Variants in MYO18B observed in about 807,000 individuals in gnomAD.
MYO18B encodes the protein unconventional myosin-XVIIIb.
Under a neutral mutation model 273.0 loss-of-function variants are expected in MYO18B, and 204 were observed. The ratio of observed to expected loss-of-function variants is 0.75; its 90% confidence interval spans 0.67 to 0.84. The LOEUF is 0.84. Ranked by LOEUF, MYO18B falls within the 40% of genes least tolerant of loss-of-function variation. MYO18B has a pLI of 0.00. For synonymous variants in MYO18B, 1,330 were observed against 1,305.7 expected (o/e 1.02, Z -0.40); for missense variants, 3,212 against 3,287.6 (o/e 0.98, Z 0.56).
At chr22:25,783,325 C>T (rs576795917) in intron 10 of MYO18B, among the ~76,000 whole-genome samples, 9 of 152,346 alleles carry the variant, frequency 5.9e-5, no homozygotes, top group South Asian at 4.1e-4. Flanking sequence ...GTGCCAACCC[C>T]GTAGGCATTT....
chr22:26,026,892 G>C lies in MYO18B; in HGVS notation c.6918G>C (p.Gly2306=). The part of the protein sequence containing the change: ...SDEGNLSLRV[G]AKSPLEIEGA... ...AGGGAAACCTCTCGCTGAGGGTTGG[G>C]GCAAAGTCACCCCTGGAAATCGAAG... The change falls in exon 43 of 44, where the codon GGG becomes GGC. Residue 2306 remains glycine, a synonymous_variant. Coordinates refer to ENST00000335473, the MANE Select transcript of MYO18B (RefSeq NM_032608.7). The C allele has an allele frequency of 6.2e-7, 1 of 1,605,414 alleles. No homozygotes were observed. Among genetic ancestry groups the C allele is most frequent in the Non-Finnish European group, 8.5e-7 (1 of 1,174,972 alleles).
At chr22:25,980,505 C>T (rs2093137976) in intron 39 of MYO18B, among the ~76,000 whole-genome samples, 1 of 152,146 alleles carries the variant, frequency 6.6e-6, no homozygotes, top group Non-Finnish European at 1.5e-5. Context: ...GCAGAGCCAA[C>T]TCCATTCTGC....
Position 25,826,398 on chromosome 22 carries a change from C to A in MYO18B, c.2696-11C>A. ...CCTAACCAAGAATGCTGATTCTGTC[C>A]TCTTTCCCAGGGCTCAAGATGACAG... On this transcript the variant is annotated splice_polypyrimidine_tract_variant and intron_variant, in intron 13 of 43. Transcript: ENST00000335473. 6.2e-7 allele frequency: 1 copy of A among 1,606,838 alleles called. No homozygotes were observed. The highest frequency in any genetic ancestry group is 8.5e-7 in the Non-Finnish European group (1 of 1,176,268).
In MYO18B at chr22:25,833,095, G is replaced by T. The variant is rs185452044; in HGVS notation, c.3060+98G>T. ...CTTCAGTCTACTAGTTGTCAATGCC[G>T]TGTGCACCTAGAGTCACCCCGGGAT... On this transcript the variant is annotated intron_variant, in intron 16 of 43. Transcript: ENST00000335473. 6 of 1,144,440 alleles carry T rather than the reference G, an allele frequency of 5.2e-6. No homozygotes were observed. The Admixed American group carries it at 8.7e-5, about 17-fold the overall frequency. 70.9% of individuals were successfully genotyped at this position (1,144,440 alleles called of 1,614,324 possible). A position where few individuals can be genotyped will look rare whatever the true frequency, so the allele number is the denominator to read the frequency against.
At chr22:25,856,126 A>C (rs958172253) in intron 21 of MYO18B, among the ~76,000 whole-genome samples, 4 of 152,180 alleles carry the variant, frequency 2.6e-5, no homozygotes, top group Non-Finnish European at 5.9e-5. Flanking sequence ...AGTTTTTTAT[A>C]GCAGCTGTAC....
intron 2 of MYO18B, among the ~76,000 whole-genome samples, chr22:25,761,506 C>G (rs1362421273): frequency 6.6e-6 from 1 of 152,162 alleles, no homozygotes; most frequent in Non-Finnish European, 1.5e-5. Flanking sequence ...GGGCTGTCAG[C>G]TGCCAGGTTT....
chr22:25,884,966 T>C (rs1458480059), intron 25 of MYO18B: 6 of 152,212 alleles, frequency 3.9e-5, no homozygotes, highest in Non-Finnish European at 5.9e-5. Context: ...CCAATAAATA[T>C]ATTTTTTAAA....
chr22:26,008,528 C>T (rs1934620902), intron 42 of MYO18B, among the ~76,000 whole-genome samples: 1 of 152,138 alleles, frequency 6.6e-6, no homozygotes, highest in Non-Finnish European at 1.5e-5. Flanking sequence ...AAAGCATTCC[C>T]CACATTATTT....
chr22:25,778,982 C>T (rs2087027733), intron 8 of MYO18B, among the ~76,000 whole-genome samples: 1 of 152,110 alleles, frequency 6.6e-6, no homozygotes, highest in Non-Finnish European at 1.5e-5. Context: ...TGGCAGTGTT[C>T]TCAGCTTTTT....
intron 34 of MYO18B, among the ~76,000 whole-genome samples, chr22:25,934,418 G>A (rs1019591035): frequency 2.6e-5 from 4 of 152,092 alleles, no homozygotes; most frequent in East Asian, 1.9e-4. Flanking sequence ...AGTGGTGCAG[G>A]ATGATGGAAA....
intron 1 of MYO18B, among the ~76,000 whole-genome samples, chr22:25,756,155 A>G (rs1014117682): frequency 6.6e-6 from 1 of 152,140 alleles, no homozygotes; most frequent in African/African-American, 2.4e-5. Flanking sequence ...CAGCCTCCCA[A>G]AGTGCTGGGA....
At chr22:25,928,580 T>G (rs2092454391) in intron 34 of MYO18B, among the ~76,000 whole-genome samples, 1 of 152,010 alleles carries the variant, frequency 6.6e-6, no homozygotes. Context: ...GATAATCATT[T>G]GGTTCTTTTC....
chr22:25,982,021 G>A (rs1569261115), intron 39 of MYO18B, among the ~76,000 whole-genome samples: 1 of 152,222 alleles, frequency 6.6e-6, no homozygotes, highest in Non-Finnish European at 1.5e-5. Flanking sequence ...AGTTGAAGGG[G>A]AAGCAGGCGG....
intron 2 of MYO18B, chr22:25,762,985 T>A: frequency 1.5e-6 from 1 of 672,704 alleles, no homozygotes; most frequent in Non-Finnish European, 2.8e-6. Context: ...GGAGAGTGGA[T>A]CCAGGCAGAA....
intron 31 of MYO18B, among the ~76,000 whole-genome samples, chr22:25,906,773 G>T (rs1569176671): frequency 6.6e-6 from 1 of 152,098 alleles, no homozygotes; most frequent in Non-Finnish European, 1.5e-5. Context: ...AGTCTTACAT[G>T]GTGGCTGGCA....
At chr22:25,985,887 C>G (rs2093197171) in intron 39 of MYO18B, among the ~76,000 whole-genome samples, 1 of 152,142 alleles carries the variant, frequency 6.6e-6, no homozygotes, top group Non-Finnish European at 1.5e-5. Context: ...CCTCCTCGGC[C>G]TCCTAAAGTG....
the MYO18B span, among the ~76,000 whole-genome samples, chr22:26,036,300 C>G: frequency 2.0e-5 from 3 of 152,154 alleles, no homozygotes; most frequent in Non-Finnish European, 1.5e-5. Flanking sequence ...GTTAGCAGCT[C>G]TGGTGACAAG....
At position 25,791,065 on chromosome 22, in the gene MYO18B, A is replaced by G. The variant is rs188103310; in HGVS notation, c.2376+5574A>G. Among the ~76,000 whole-genome samples, 3 of 152,368 alleles carry G rather than the reference A, an allele frequency of 2.0e-5. No individual in the cohort carries two copies. The East Asian group carries it at 5.8e-4, about 29-fold the overall frequency. ...TATTAGATGCCAGGTATTGGCACAC[A>G]GAAATAACTCAACTGGGTCTCACCC... On this transcript the variant is annotated intron_variant, in intron 11 of 43. Transcript: ENST00000335473.
intron 34 of MYO18B, among the ~76,000 whole-genome samples, chr22:25,933,399 T>C (rs2092535115): frequency 6.6e-6 from 1 of 152,076 alleles, no homozygotes; most frequent in African/African-American, 2.4e-5. Context: ...CAACTGGTGG[T>C]TTTAGCAGAA....
Sources: allele counts gnomAD v4.1 joint callset (sites outside exome capture counted in the v4.1 genomes callset), GRCh38; gene constraint gnomAD v4.1.1; transcripts MANE v1.5; gene names NCBI Gene and HGNC (gene_info 2026-07-23, HGNC 2026-07-21).